Variants in TMEM63A observed in about 807,000 individuals in gnomAD.
The protein encoded by TMEM63A is mechanosensitive cation channel TMEM63A.
A neutral mutation model predicts 100.6 loss-of-function variants in TMEM63A; 76 were observed. The ratio of observed to expected loss-of-function variants is 0.76; its 90% CI spans 0.63 to 0.91. TMEM63A has a LOEUF of 0.91. Among genes scored for constraint, TMEM63A ranks in the 40% least tolerant of loss-of-function variants. The pLI is 0.00. For synonymous variants in TMEM63A, 401 were observed against 401.1 expected (o/e 1.00, Z 0.00); for missense variants, 876 against 1,008.8 (o/e 0.87, Z 1.78).
At position 225,861,272 on chromosome 1, in the gene TMEM63A, C is replaced by G. The variant is rs531073330; in HGVS notation, c.1086-275G>C. ...GGCAACACACTGCTCTTCCATAGGG[C>G]CATCCCCCTCCACCCTGCCTGTTAA... On this transcript the variant is annotated intron_variant, in intron 13 of 24. Coordinates refer to ENST00000366835, the MANE Select transcript of TMEM63A (RefSeq NM_014698.3). 1.2e-4 allele frequency: 32 copies of G among 267,864 alleles called. No homozygotes were observed. The South Asian group carries it at 2.6e-3, about 21-fold the overall frequency. The allele number at this position is 267,864 out of a possible 1,614,324, so 16.6% of individuals were successfully genotyped here.
intron 18 of TMEM63A, 24 bp downstream of exon 18, chr1:225,855,854 A>G: frequency 6.2e-7 from 1 of 1,613,256 alleles, no homozygotes; most frequent in Non-Finnish European, 8.5e-7. Context: ...CCATGGCTCC[A>G]GAACTCAACT....
rs1343707087 is a variant in TMEM63A at position 225,853,781 on chromosome 1, G to T, written c.1645C>A (p.Leu549Met). 1 of 1,603,420 alleles carries T rather than the reference G, an allele frequency of 6.2e-7. No homozygotes were observed. Among genetic ancestry groups the T allele is most frequent in the Admixed American group, 1.7e-5 (1 of 58,826 alleles). ...EASIRLECVF[L>M]PDQGAFFVNY... ...ACAAAGAAGGCACCCTGGTCAGGCA[G>T]GAAGACGCACCTGGGGAAACCAGGG... Residue 549 changes from leucine to methionine, a missense_variant, in exon 19 of 25, where the codon CTG (leucine) becomes ATG (methionine). By Grantham distance (15) the Leu-to-Met change is conservative. Coordinates refer to ENST00000366835, the MANE Select transcript of TMEM63A (RefSeq NM_014698.3). The surrounding 1 kb of genome is among the most constrained non-coding windows in gnomAD (Gnocchi z 4.0).
chr1:225,858,948 ATGTGTGTGTGTGTGTGTGTGTGTG>A (rs57543496), intron 15 of TMEM63A, among the ~76,000 whole-genome samples: 9 of 139,754 alleles, frequency 6.4e-5, no homozygotes, highest in Non-Finnish European at 9.3e-5. Context: ...TATACATATA[ATGTGTGTGTGTGTGTGTGTGTGTG>A]TGTGTGTGTG....
chr1:225,868,159 CAT>C, intron 6 of TMEM63A, 129 bp from the exon 7 acceptor site: 4 of 1,198,180 alleles, frequency 3.3e-6, no homozygotes, highest in Non-Finnish European at 4.6e-6. Context: ...TTTTTGTTCA[CAT>C]ATGAGGAAAT....
At chr1:225,871,917 C>T in intron 5 of TMEM63A, 70 bp downstream of exon 5, 1 of 1,214,016 alleles carries the variant, frequency 8.2e-7, no homozygotes, top group Non-Finnish European at 1.2e-6. Context: ...CCGCCCTGCT[C>T]CCTCCCCAAA....
downstream of TMEM63A, chr1:225,844,491 T>G (rs757040424): frequency 6.2e-7 from 1 of 1,614,106 alleles, no homozygotes; most frequent in Non-Finnish European, 8.5e-7. Flanking sequence ...GTGTTCTGCG[T>G]TCCCAGGAAG....
chr1:225,871,976 T>C lies in TMEM63A; in HGVS notation c.333+11A>G, dbSNP rs778574314. On this transcript the variant is annotated intron_variant, in intron 5 of 24. Transcript: ENST00000366835. The stretch of plus-strand genomic sequence containing the variant: ...CCTGGCCATGACCACAACTGGGCCT[T>C]AGATACCAACCAGCTCATTTTCAAA... 1.2e-6 allele frequency: 2 copies of C among 1,610,074 alleles called. No homozygotes were observed. The highest frequency in any genetic ancestry group is 1.7e-6 in the Non-Finnish European group (2 of 1,176,758).
chr1:225,847,412 G>C, intron 23 of TMEM63A, 199 bp from the exon 24 acceptor site: 1 of 612,412 alleles, frequency 1.6e-6, no homozygotes. Flanking sequence ...AAAAGAGAAA[G>C]CACAGTTATA....
Position 225,855,837 on chromosome 1 carries a change from C to T in TMEM63A, c.1634+41G>A, listed in dbSNP as rs781391874. On this transcript the variant is annotated intron_variant, in intron 18 of 24. Coordinates refer to ENST00000366835, the MANE Select transcript of TMEM63A (RefSeq NM_014698.3). ...AGCCCCAGCCCCTGTGGGACTTTCA[C>T]CCAGGGCCATGGCTCCAGAACTCAA... 5.6e-6 allele frequency: 9 copies of T among 1,607,892 alleles called. No individual in the cohort carries two copies. In the Admixed American group the frequency reaches 1.5e-4, roughly 27 times the overall value.
intron 15 of TMEM63A, among the ~76,000 whole-genome samples, chr1:225,858,470 G>A (rs752272788): frequency 3.3e-5 from 5 of 151,570 alleles, no homozygotes; most frequent in South Asian, 2.1e-4. Context: ...GATTATAAGC[G>A]CCCACCAACA....
At chr1:225,842,291 C>A, downstream of TMEM63A, 1 of 1,136,688 alleles carries the variant, frequency 8.8e-7, no homozygotes, top group Non-Finnish European at 1.3e-6. Context: ...CGGCCAGTGC[C>A]ACACATCACA....
chr1:225,849,164 C>CA (rs1317064570), intron 21 of TMEM63A, 152 bp from the exon 22 acceptor site: 9 of 619,002 alleles, frequency 1.5e-5, no homozygotes, highest in Non-Finnish European at 2.3e-5. Flanking sequence ...CCCCCACCCC[C>CA]ACCCCTCAAC....
intron 6 of TMEM63A, among the ~76,000 whole-genome samples, chr1:225,868,294 A>C (rs1670314127): frequency 6.6e-6 from 1 of 152,158 alleles, no homozygotes; most frequent in Admixed American, 6.5e-5. Flanking sequence ...TGTTGCTAGA[A>C]ACATTTGTGC....
At chr1:225,879,582 G>C (rs1249786280) in intron 1 of TMEM63A, among the ~76,000 whole-genome samples, 172 bp from the exon 2 acceptor site, 1 of 152,186 alleles carries the variant, frequency 6.6e-6, no homozygotes, top group Non-Finnish European at 1.5e-5. Flanking sequence ...TCCCAGAACT[G>C]GTTCTCCATC....
chr1:225,870,764 T>C (rs1255733575), intron 6 of TMEM63A, among the ~76,000 whole-genome samples: 1 of 152,190 alleles, frequency 6.6e-6, no homozygotes, highest in Non-Finnish European at 1.5e-5. Flanking sequence ...TTGAAATAAA[T>C]AAAGTTCATC....
Position 225,862,115 on chromosome 1 carries a change from G to A in TMEM63A, c.1085+103C>T. The A allele has an allele frequency of 6.6e-7, 1 of 1,504,396 alleles. No individual in the cohort carries two copies. The highest frequency in any genetic ancestry group is 9.0e-7 in the Non-Finnish European group (1 of 1,110,850). 93.2% of individuals were successfully genotyped at this position (1,504,396 alleles called of 1,614,324 possible). On this transcript the variant is annotated intron_variant, in intron 13 of 24. Transcript: ENST00000366835. This position sits in a 1 kb window ranked among gnomAD's most constrained non-coding sequence, Gnocchi z 5.1. ...GGAAACACCACAGATAAATCCCAGG[G>A]ATGGTGGGTCAGCAGTACCATCTCC... is the stretch of plus-strand genomic sequence containing the variant.
At chr1:225,854,141 CGTGCAGAAAT>C (rs59571389) in intron 18 of TMEM63A, among the ~76,000 whole-genome samples, 80,765 of 151,540 alleles carry the variant, frequency 0.53, 23,337 homozygotes, top group Middle Eastern at 0.65. Flanking sequence ...AGGTGATATT[CGTGCAGAAAT>C]GTGAAGAGGT....
chr1:225,869,545 T>A (rs1670387404), intron 6 of TMEM63A, among the ~76,000 whole-genome samples: 1 of 152,170 alleles, frequency 6.6e-6, no homozygotes, highest in Non-Finnish European at 1.5e-5. Flanking sequence ...ATCCTCAGCC[T>A]CCTTTTACAG....
chr1:225,848,325 AC>A, intron 23 of TMEM63A, 166 bp downstream of exon 23: 1 of 661,900 alleles, frequency 1.5e-6, no homozygotes, highest in Non-Finnish European at 2.6e-6. Context: ...AGGTTAAAAT[AC>A]CCAGGGGGAC....
Sources: allele counts gnomAD v4.1 joint callset (sites outside exome capture counted in the v4.1 genomes callset), GRCh38; gene constraint gnomAD v4.1.1; non-coding constraint Gnocchi (gnomAD v3.1); transcripts MANE v1.5; gene names NCBI Gene and HGNC (gene_info 2026-07-23, HGNC 2026-07-21).